COBL: variants seen among roughly 807,000 people sequenced by gnomAD.
COBL encodes the protein protein cordon-bleu.
In COBL, 51 loss-of-function variants were observed where a neutral mutation model predicts 98.8. That is an observed-to-expected ratio of 0.52 (90% CI 0.41 to 0.65). COBL has a LOEUF of 0.65. COBL is among the 30% of genes least tolerant of loss of function. COBL has a pLI of 0.00. For synonymous variants in COBL, 634 were observed against 651.7 expected, an observed-to-expected ratio of 0.97 and a Z score of 0.41; for missense variants, 1,617 against 1,617.5, an observed-to-expected ratio of 1.00 and a Z score of 0.01.
intron 4 of COBL, among the ~76,000 whole-genome samples, chr7:51,187,329 TATACAC>T (rs1241643826): frequency 1.2e-3 from 173 of 142,422 alleles, no homozygotes; most frequent in East Asian, 3.9e-3. Flanking sequence ...TATATATATA[TATACAC>T]ACACACACAC....
Position 51,043,169 on chromosome 7 carries a change from CA to C in COBL, c.1406+213del, listed in dbSNP as rs1489833039. Among the ~76,000 whole-genome samples the C allele has an allele frequency of 5.2e-3, 792 of 151,904 alleles. 8 individuals carry two copies. Among genetic ancestry groups the C allele is most frequent in the African/African-American group, 0.018 (763 of 41,530 alleles). ...TATACTTAAGGGTATGGTACCAAAG[CA>C]AACAAGCCACTCTTACACAGTCTTT... is the stretch of plus-strand genomic sequence containing the variant. On this transcript the variant is annotated intron_variant, in intron 8 of 12. Transcript: ENST00000265136.
intron 1 of COBL, among the ~76,000 whole-genome samples, chr7:51,262,810 A>C (rs901823930): frequency 2.6e-5 from 4 of 152,100 alleles, no homozygotes; most frequent in African/African-American, 9.7e-5. Flanking sequence ...AATAATGAAG[A>C]AGCTGTCCTT....
At chr7:51,091,520 G>A (rs1794807408) in intron 6 of COBL, among the ~76,000 whole-genome samples, 1 of 152,068 alleles carries the variant, frequency 6.6e-6, no homozygotes, top group South Asian at 2.1e-4. Flanking sequence ...ACAGCCTTAA[G>A]GACTTTATGG....
At chr7:51,060,709 G>T (rs1328589822) in intron 7 of COBL, among the ~76,000 whole-genome samples, 2 of 152,238 alleles carry the variant, frequency 1.3e-5, no homozygotes, top group South Asian at 4.1e-4. Context: ...TGACTTTTAT[G>T]TTCTATTGGC....
intron 12 of COBL, chr7:51,021,271 T>C (rs1256663770): frequency 1.3e-5 from 2 of 152,240 alleles, no homozygotes; most frequent in South Asian, 2.1e-4. Flanking sequence ...CTGAATTTAT[T>C]GTATTTTCCT....
At chr7:51,169,780 C>T (rs1046824393) in intron 5 of COBL, among the ~76,000 whole-genome samples, 1 of 152,078 alleles carries the variant, frequency 6.6e-6, no homozygotes, top group Non-Finnish European at 1.5e-5. Context: ...TTTAATAGCA[C>T]GACAGGGTGT....
chr7:51,176,865 C>A lies in COBL; in HGVS notation c.783+7237G>T, dbSNP rs1173729319. Among the ~76,000 whole-genome samples the A allele has an allele frequency of 3.3e-5, 5 of 152,198 alleles. No individual in the cohort carries two copies. The East Asian group carries it at 9.6e-4, about 29-fold the overall frequency. ...TGTTTGTATATTGTCTACATGGTAC[C>A]AAACTGACTTATAAGTAAATCAGTT... On this transcript the variant is annotated intron_variant, in intron 5 of 12. Transcript: ENST00000265136.
chr7:51,101,022 T>C (rs1201612821), intron 6 of COBL, among the ~76,000 whole-genome samples: 1 of 152,232 alleles, frequency 6.6e-6, no homozygotes, highest in Non-Finnish European at 1.5e-5. Context: ...GGCTCACTCA[T>C]TGTTACACAA....
chr7:51,218,258 T>G (rs370107680), intron 2 of COBL, among the ~76,000 whole-genome samples: 1 of 152,274 alleles, frequency 6.6e-6, no homozygotes, highest in African/African-American at 2.4e-5. Context: ...ACCTGGAATT[T>G]TGATTATAAA....
intron 5 of COBL, 116 bp downstream of exon 5, chr7:51,183,986 A>T: frequency 1.9e-6 from 1 of 521,150 alleles, no homozygotes. Flanking sequence ...ACCTGAAGGA[A>T]TTAGTATTCT....
At chr7:51,161,705 A>T (rs1387045314) in intron 5 of COBL, among the ~76,000 whole-genome samples, 1 of 152,230 alleles carries the variant, frequency 6.6e-6, no homozygotes, top group Non-Finnish European at 1.5e-5. Flanking sequence ...AAATGCAGAG[A>T]TATCTGATGA....
intron 12 of COBL, chr7:51,022,919 T>C (rs1787088281): frequency 6.6e-6 from 1 of 152,232 alleles, no homozygotes; most frequent in Admixed American, 6.5e-5. Flanking sequence ...AAATTGCAGA[T>C]TCATAGGCTG....
At chr7:51,096,517 T>G (rs534504696) in intron 6 of COBL, among the ~76,000 whole-genome samples, 1 of 151,318 alleles carries the variant, frequency 6.6e-6, no homozygotes, top group African/African-American at 2.4e-5. Flanking sequence ...ATAAATGAAA[T>G]AGAAAATAGA....
At position 51,280,891 on chromosome 7, in the gene COBL, C is replaced by T. The variant is rs141295139; in HGVS notation, c.41+35702G>A. ...AAAGGGCCCAGCAGAAATTTAAACA[C>T]GAACCCAACTAGGTCAATTGCCAGA... On this transcript the variant is annotated intron_variant, in intron 1 of 12. Coordinates refer to ENST00000265136, the MANE Select transcript of COBL (RefSeq NM_015198.5). 1.1e-4 allele frequency among the ~76,000 whole-genome samples: 17 copies of T among 152,276 alleles called. No homozygotes were observed. The East Asian group carries it at 1.7e-3, about 16-fold the overall frequency.
chr7:51,125,885 G>A (rs1028387627), intron 6 of COBL, among the ~76,000 whole-genome samples: 3 of 152,144 alleles, frequency 2.0e-5, no homozygotes, highest in African/African-American at 7.2e-5. Context: ...TTAAACATCT[G>A]GATGTAGCGA....
chr7:51,108,956 A>C (rs985281960), intron 6 of COBL, among the ~76,000 whole-genome samples: 2 of 28,936 alleles, frequency 6.9e-5, no homozygotes, highest in East Asian at 1.2e-3. Context: ...ACACACACAC[A>C]CCCCCTGCCC....
At chr7:51,281,238 A>G (rs1352314087) in intron 1 of COBL, among the ~76,000 whole-genome samples, 1 of 152,218 alleles carries the variant, frequency 6.6e-6, no homozygotes, top group East Asian at 1.9e-4. Context: ...AACAGAAATC[A>G]TCTAATCTGA....
intron 1 of COBL, among the ~76,000 whole-genome samples, chr7:51,292,057 G>C (rs1430998046): frequency 6.6e-6 from 1 of 151,028 alleles, no homozygotes; most frequent in Admixed American, 6.6e-5. Context: ...CTGAGCAGGA[G>C]AATCTCTTGA....
At position 51,028,037 on chromosome 7, in the gene COBL, T is replaced by C. The variant is rs956164036; in HGVS notation, c.3059A>G (p.Asp1020Gly). ...GTCAGATGTGTGTGGAGGGGGTGGG[T>C]CTGTACCATCAGGTGCGCGTCTGGG... ...SEPRRAPDGTDPPPPHTSDTQ... is the reference protein window; with the variant it reads ...SEPRRAPDGTGPPPPHTSDTQ... The change falls in exon 10 of 13, where the codon GAC becomes GGC. Residue 1020 changes from aspartate to glycine, a missense_variant. Asp to Gly is a moderately conservative substitution (Grantham distance 94). Transcript: ENST00000265136. 3 of 1,607,780 alleles carry C rather than the reference T, an allele frequency of 1.9e-6. No homozygotes were observed. The highest frequency in any genetic ancestry group is 2.5e-6 in the Non-Finnish European group (3 of 1,177,102).
Sources: gnomAD v4.1 joint callset for allele counts (sites outside exome capture counted in the v4.1 genomes callset) on GRCh38, gnomAD v4.1.1 for gene constraint, MANE v1.5 for transcripts, NCBI Gene and HGNC (gene_info 2026-07-23, HGNC 2026-07-21) for gene names.